CDH4: variants seen among roughly 807,000 people sequenced by gnomAD.
CDH4 encodes the protein cadherin 4.
CDH4 carries 33 observed loss-of-function variants against 86.0 expected under a neutral mutation model. The ratio of observed to expected loss-of-function variants is 0.38; its 90% CI spans 0.29 to 0.51. The LOEUF (loss-of-function observed/expected upper bound fraction) is 0.51, where lower values mean the gene tolerates loss of function less well. Among genes scored for constraint, CDH4 ranks in the 20% least tolerant of loss-of-function variants. The probability of loss-of-function intolerance (pLI) is 0.86; values close to 1 mark genes in which losing one functional copy is unlikely to be tolerated. For missense variants in CDH4, 1,114 were observed against 1,307.4 expected, an observed-to-expected ratio of 0.85 and a Z score of 2.28; for synonymous variants, 555 against 549.4, an observed-to-expected ratio of 1.01 and a Z score of -0.14.
chr20:61,547,226 C>A (rs1372763067), intron 2 of CDH4, among the ~76,000 whole-genome samples: 1 of 127,396 alleles, frequency 7.8e-6, no homozygotes, highest in Non-Finnish European at 1.6e-5. Context: ...TTTTTTTTGC[C>A]CCCTGAGACG....
chr20:61,467,348 G>C (rs76936917), intron 2 of CDH4, among the ~76,000 whole-genome samples: 2,023 of 152,278 alleles, frequency 0.013, 19 homozygotes, highest in South Asian at 0.028. Flanking sequence ...CATTTGGGTT[G>C]GTTCTTTTTG....
rs186203001 is a variant in CDH4 at position 61,553,977 on chromosome 20, T to A, written c.170-189586T>A. On this transcript the variant is annotated intron_variant, in intron 2 of 15. Coordinates refer to ENST00000614565, the MANE Select transcript of CDH4 (RefSeq NM_001794.5). ...GCTGTGCCTGCAGGGGCCAGGTCCC[T>A]GTCCTAGGAGCTGGTCAGTGATTTC... is the stretch of plus-strand genomic sequence containing the variant. 5.9e-5 allele frequency among the ~76,000 whole-genome samples: 9 copies of A among 152,316 alleles called. No homozygotes were observed. In the South Asian group the frequency reaches 8.3e-4, roughly 14 times the overall value.
chr20:61,399,682 G>C (rs1296150762), intron 2 of CDH4, among the ~76,000 whole-genome samples: 1 of 152,178 alleles, frequency 6.6e-6, no homozygotes, highest in Admixed American at 6.5e-5. Context: ...ACGTCCACCT[G>C]CCCATCCATC....
chr20:61,481,437 G>C (rs985069231), intron 2 of CDH4, among the ~76,000 whole-genome samples: 15 of 152,362 alleles, frequency 9.8e-5, no homozygotes, highest in Middle Eastern at 3.4e-3. Flanking sequence ...CGTAGGGCAT[G>C]ATTGTGCCTT....
intron 2 of CDH4, among the ~76,000 whole-genome samples, chr20:61,643,760 G>A (rs1422406706): frequency 6.6e-6 from 1 of 152,208 alleles, no homozygotes; most frequent in African/African-American, 2.4e-5. Context: ...GATCCTCACG[G>A]TTTTCTGTTC....
intron 4 of CDH4, among the ~76,000 whole-genome samples, chr20:61,787,890 T>C (rs1193295130): frequency 6.6e-6 from 1 of 151,974 alleles, no homozygotes; most frequent in Admixed American, 6.5e-5. Flanking sequence ...AGGGGCTGAA[T>C]AGAAATGGCC....
chr20:61,309,591 A>G (rs964331939), intron 2 of CDH4, among the ~76,000 whole-genome samples: 2 of 152,206 alleles, frequency 1.3e-5, no homozygotes, highest in Non-Finnish European at 2.9e-5. Flanking sequence ...AAACTTAGGA[A>G]GAGAAATGGT....
At chr20:61,816,070 G>A (rs1038939088) in intron 4 of CDH4, among the ~76,000 whole-genome samples, 3 of 152,186 alleles carry the variant, frequency 2.0e-5, no homozygotes, top group Admixed American at 2.0e-4. Context: ...CTCCCAGGAA[G>A]TCCAGGAGCA....
chr20:61,419,112 T>G (rs2427086), intron 2 of CDH4, among the ~76,000 whole-genome samples: 34,415 of 152,102 alleles, frequency 0.23, 4,894 homozygotes, highest in East Asian at 0.48. Context: ...AGTGGGTCAG[T>G]GTTTTGTCCA....
At chr20:61,290,750 A>G (rs969333461) in intron 2 of CDH4, among the ~76,000 whole-genome samples, 19 of 152,172 alleles carry the variant, frequency 1.2e-4, no homozygotes, top group Admixed American at 2.6e-4. Context: ...GTGGGCTGTG[A>G]TGTGGGGGAG....
chr20:61,686,776 T>C (rs1162589447), intron 2 of CDH4, among the ~76,000 whole-genome samples: 2 of 151,908 alleles, frequency 1.3e-5, no homozygotes, highest in Non-Finnish European at 2.9e-5. Flanking sequence ...CATTCGCGCG[T>C]GTGTGTGTGC....
intron 6 of CDH4, among the ~76,000 whole-genome samples, chr20:61,861,951 AAG>A (rs974079000): frequency 6.6e-6 from 1 of 152,260 alleles, no homozygotes; most frequent in East Asian, 1.9e-4. Flanking sequence ...TCCGCTCCTC[AAG>A]GTGCAGGCCT....
At chr20:61,294,601 CA>C (rs1404473927) in intron 2 of CDH4, among the ~76,000 whole-genome samples, 5 of 152,228 alleles carry the variant, frequency 3.3e-5, no homozygotes, top group Admixed American at 3.3e-4. Context: ...TGTGGGACCC[CA>C]CACATGCTGG....
chr20:61,363,581 G>A (rs533220908), intron 2 of CDH4, among the ~76,000 whole-genome samples: 11 of 152,190 alleles, frequency 7.2e-5, no homozygotes, highest in Admixed American at 1.3e-4. Flanking sequence ...GCTTCCTGAG[G>A]CAGCAAGAGT....
chr20:61,335,133 C>T (rs546391639), intron 2 of CDH4, among the ~76,000 whole-genome samples: 11 of 152,294 alleles, frequency 7.2e-5, no homozygotes, highest in Admixed American at 2.0e-4. Flanking sequence ...GAGGAGGTCT[C>T]GCGGCCATTG....
At chr20:61,335,260 C>T (rs774512506) in intron 2 of CDH4, among the ~76,000 whole-genome samples, 10 of 152,160 alleles carry the variant, frequency 6.6e-5, no homozygotes, top group Non-Finnish European at 1.3e-4. Context: ...GTAAAGCTGC[C>T]GTGTATTTGG....
chr20:61,877,360 A>ACCCCCCC (rs1331283648), intron 7 of CDH4, among the ~76,000 whole-genome samples: 1 of 56,102 alleles, frequency 1.8e-5, no homozygotes, highest in Non-Finnish European at 3.6e-5. Context: ...AGCGGTACCC[A>ACCCCCCC]CCCCCCACCC....
chr20:61,400,905 T>C (rs12625685), intron 2 of CDH4, among the ~76,000 whole-genome samples: 7,411 of 152,312 alleles, frequency 0.049, 287 homozygotes, highest in East Asian at 0.21. Context: ...ACTTTCTAAG[T>C]TGACGTCCCT....
Position 61,745,257 on chromosome 20 carries a change from A to G in CDH4, c.396+1468A>G, listed in dbSNP as rs111508917. Reference sequence around the variant, plus strand: ...CATGTGCTGTGTAAGCCTCTGAGTGAGACCAGTCTGCAAGTTTCCCCAAAC... The same window carrying G: ...CATGTGCTGTGTAAGCCTCTGAGTGGGACCAGTCTGCAAGTTTCCCCAAAC... On this transcript the variant is annotated intron_variant, in intron 3 of 15. Transcript: ENST00000614565. Among the ~76,000 whole-genome samples the G allele has an allele frequency of 5.0e-3, 765 of 152,250 alleles. 13 individuals carry two copies. The highest frequency in any genetic ancestry group is 0.022 in the South Asian group (106 of 4,828).
Sources: gnomAD v4.1 joint callset for allele counts (sites outside exome capture counted in the v4.1 genomes callset) on GRCh38, gnomAD v4.1.1 for gene constraint, MANE v1.5 for transcripts, NCBI Gene and HGNC (gene_info 2026-07-23, HGNC 2026-07-21) for gene names.